INF2: variants seen among roughly 807,000 people sequenced by gnomAD.
INF2 encodes inverted formin 2.
In INF2, 43 loss-of-function variants were observed where a neutral mutation model predicts 123.5. That is an observed-to-expected ratio of 0.35 (90% confidence interval 0.27 to 0.45). The LOEUF (loss-of-function observed/expected upper bound fraction) is 0.45, where lower values mean the gene tolerates loss of function less well. INF2 is among the 20% of genes least tolerant of loss of function. INF2 has a pLI of 1.00. For missense variants in INF2, 1,453 were observed against 1,682.7 expected (o/e 0.86, Z 2.39); for synonymous variants, 851 against 745.0 (o/e 1.14, Z -2.32).
chr14:104,705,019 G>A (rs1192039651), intron 5 of INF2, among the ~76,000 whole-genome samples: 2 of 125,222 alleles, frequency 1.6e-5, no homozygotes, highest in Non-Finnish European at 3.2e-5. Flanking sequence ...CCACATAGCT[G>A]AGAAGCTCTA....
Position 104,713,323 on chromosome 14 carries a change from G to T in INF2, c.2878+14G>T. The stretch of plus-strand genomic sequence containing the variant: ...ACGGGAAGCCTGGTGAGGCTGGGCC[G>T]GCTGGGCGGGGAGGGGGTGACTCTG... On this transcript the variant is annotated intron_variant, in intron 19 of 22. Coordinates refer to ENST00000392634, the MANE Select transcript of INF2 (RefSeq NM_022489.4). The T allele has an allele frequency of 6.4e-7, 1 of 1,550,708 alleles. No homozygotes were observed. Among genetic ancestry groups the T allele is most frequent in the Non-Finnish European group, 8.7e-7 (1 of 1,147,680 alleles).
In INF2 at chr14:104,689,664, G is replaced by A. The variant is rs141884370; in HGVS notation, c.-85G>A. On this transcript the variant is annotated 5_prime_UTR_variant, in exon 1 of 23. Transcript: ENST00000392634. ...CTTGCGGAGCGCGGCAGTGGGCGCC[G>A]GCTGCCCGCAGCCCCTGACCCGGCC... is the stretch of plus-strand genomic sequence containing the variant. 121,125 of 982,220 alleles carry A rather than the reference G, an allele frequency of 0.12. 7,879 individuals carry two copies. Among genetic ancestry groups the A allele is most frequent in the Non-Finnish European group, 0.13 (110,718 of 827,992 alleles). 60.8% of individuals were successfully genotyped at this position (982,220 alleles called of 1,614,324 possible).
chr14:104,718,387 C>T (rs1435674849), intron 22 of INF2, among the ~76,000 whole-genome samples: 1 of 152,106 alleles, frequency 6.6e-6, no homozygotes, highest in Non-Finnish European at 1.5e-5. Context: ...CTGGAGAAAG[C>T]GCTGCTGGGG....
intron 20 of INF2, 65 bp downstream of exon 20, chr14:104,713,671 G>A: frequency 2.6e-6 from 4 of 1,548,778 alleles, no homozygotes; most frequent in Non-Finnish European, 2.6e-6. Flanking sequence ...GTGCCTCCAG[G>A]AAGTCCTCCT....
Position 104,703,490 on chromosome 14 carries a change from C to T in INF2, c.667+36C>T, listed in dbSNP as rs375858826. ...GCCCTGGGCCGCATGCCCGCTCCTG[C>T]CCGCCTCTTGGCCAGTGCATCCCAT... is the stretch of plus-strand genomic sequence containing the variant. On this transcript the variant is annotated intron_variant, in intron 4 of 22. Coordinates refer to ENST00000392634, the MANE Select transcript of INF2 (RefSeq NM_022489.4). 7.5e-6 allele frequency: 12 copies of T among 1,605,818 alleles called. No homozygotes were observed. In the African/African-American group the frequency reaches 1.5e-4, roughly 20 times the overall value.
At chr14:104,694,045 G>A (rs1889073418) in intron 1 of INF2, among the ~76,000 whole-genome samples, 1 of 152,236 alleles carries the variant, frequency 6.6e-6, no homozygotes, top group Non-Finnish European at 1.5e-5. Flanking sequence ...CCCTGCCTAT[G>A]CTTCCATGTG....
chr14:104,714,964 A>T, intron 21 of INF2, 108 bp downstream of exon 21: 1 of 1,251,024 alleles, frequency 8.0e-7, no homozygotes, highest in Non-Finnish European at 1.1e-6. Context: ...CACCCAGGAG[A>T]GGTGACTTGG....
chr14:104,713,124 G>A lies in INF2; in HGVS notation c.2776-83G>A, dbSNP rs181904173. 7,234 of 1,604,194 alleles carry A rather than the reference G, an allele frequency of 4.5e-3. 31 individuals are homozygous for A. The highest frequency in any genetic ancestry group is 8.3e-3 in the Admixed American group (487 of 58,944). ...AGCCATGTGGGCCCTGCGCTGCTGC[G>A]GCTCAGGGAGGGGGACGCCCAGGCC... On this transcript the variant is annotated intron_variant, in intron 18 of 22. Transcript: ENST00000392634.
chr14:104,712,891 G>C lies in INF2; in HGVS notation c.2674G>C (p.Glu892Gln). 6.2e-7 allele frequency: 1 copy of C among 1,612,702 alleles called. No individual in the cohort carries two copies. Among genetic ancestry groups the C allele is most frequent in the Non-Finnish European group, 8.5e-7 (1 of 1,179,812 alleles). The change falls in exon 18 of 23, where the codon GAG (glutamate) becomes CAG (glutamine). Residue 892 changes from glutamate to glutamine, a missense_variant. Glu to Gln is a conservative substitution (Grantham distance 29). Around this residue, in one of 8 missense-constraint regions of INF2, gnomAD observed 212 missense variants for 266.2 expected, o/e 0.80. Transcript: ENST00000392634. ...TGAGGCCATCGAGCAGAAGCAACGG[G>C]AGCTGGCCGACTACCTGTGTGAGGA... ...LFEAIEQKQR[E>Q]LADYLCEDAQ...
intron 5 of INF2, 110 bp downstream of exon 5, chr14:104,704,059 A>C: frequency 6.4e-7 from 1 of 1,572,032 alleles, no homozygotes; most frequent in Non-Finnish European, 8.6e-7. Flanking sequence ...TCCAGATGGC[A>C]GGGAGGTGGC....
Position 104,706,920 on chromosome 14 carries a change from C to G in INF2, c.854C>G (p.Ser285Cys). Residue 285 changes from serine to cysteine, a missense_variant, in exon 7 of 23, where the codon TCC becomes TGC. Around this residue, in one of 8 missense-constraint regions of INF2, gnomAD observed 251 missense variants for 349.4 expected, o/e 0.72. Transcript: ENST00000392634. Reference sequence around the variant, plus strand: ...CACTCGCCCGTCCAGGTGAGCTGCTCCCCGGTGTCTGCCCAGCTCCTGTCG... The same window carrying G: ...CACTCGCCCGTCCAGGTGAGCTGCTGCCCGGTGTCTGCCCAGCTCCTGTCG... ...FASLFHKVSC[S>C]PVSAQLLSVL... The G allele has an allele frequency of 6.2e-7, 1 of 1,604,302 alleles. No homozygotes were observed. Among genetic ancestry groups the G allele is most frequent in the Non-Finnish European group, 8.5e-7 (1 of 1,179,324 alleles).
chr14:104,713,286 C>T lies in INF2; in HGVS notation c.2855C>T (p.Pro952Leu). The change falls in exon 19 of 23, where the codon CCT (proline) becomes CTT (leucine). Residue 952 changes from proline (P) to leucine (L), a missense_variant. Around this residue, in one of 8 missense-constraint regions of INF2, gnomAD observed 212 missense variants for 266.2 expected, o/e 0.80. Transcript: ENST00000392634. Reference protein sequence around the residue: ...QQLAEEEARRPRGEDGKPVRK... With the variant: ...QQLAEEEARRLRGEDGKPVRK... ...CTGGCGGAGGAGGAGGCGCGGCGGC[C>T]TCGGGGAGAGGACGGGAAGCCTGGT... 1 of 1,550,464 alleles carries T rather than the reference C, an allele frequency of 6.4e-7. No individual in the cohort carries two copies. The highest frequency in any genetic ancestry group is 8.7e-7 in the Non-Finnish European group (1 of 1,147,546).
chr14:104,708,218 C>T, intron 8 of INF2: 3 of 872,048 alleles, frequency 3.4e-6, no homozygotes, highest in South Asian at 1.7e-5. Context: ...CCTCCACATG[C>T]TCCCGTGAGC....
intron 5 of INF2, among the ~76,000 whole-genome samples, chr14:104,705,733 C>A (rs935091948): frequency 1.3e-5 from 2 of 152,230 alleles, no homozygotes; most frequent in Non-Finnish European, 2.9e-5. Context: ...CCTCCCCAGG[C>A]CTTGGTGCAC....
Position 104,714,299 on chromosome 14 carries a change from G to T in INF2, c.3137G>T (p.Gly1046Val). The change falls in exon 21 of 23, where the codon GGC becomes GTC. Residue 1046 changes from glycine (G) to valine (V), a missense_variant. By Grantham distance (109) the Gly-to-Val change is moderately radical. Coordinates refer to ENST00000392634, the MANE Select transcript of INF2 (RefSeq NM_022489.4). ...GCTACAACAGCCAGCGAGTCCCGGG[G>T]CTGGGACCTTGTAGACGCCGTGACC... Reference protein sequence around the residue: ...LDATTASESRGWDLVDAVTPG... With the variant: ...LDATTASESRVWDLVDAVTPG... 1 of 1,592,184 alleles carries T rather than the reference G, an allele frequency of 6.3e-7. No homozygotes were observed. The highest frequency in any genetic ancestry group is 1.3e-5 in the African/African-American group (1 of 74,436).
chr14:104,689,288 T>A (rs922675919), upstream of INF2: 231 of 982,034 alleles, frequency 2.4e-4, 3 homozygotes, highest in Non-Finnish European at 2.5e-4. Flanking sequence ...AGGATAGGGG[T>A]GTAGGTGGAC....
chr14:104,714,497 A>G lies in INF2; in HGVS notation c.3335A>G (p.Lys1112Arg). Residue 1112 changes from lysine to arginine, a missense_variant, in exon 21 of 23, where the codon AAG (lysine) becomes AGG (arginine). Physicochemically the swap from Lys to Arg is conservative, Grantham distance 26. Around this residue, in one of 8 missense-constraint regions of INF2, gnomAD observed 344 missense variants for 333.1 expected, o/e 1.03. Coordinates refer to ENST00000392634, the MANE Select transcript of INF2 (RefSeq NM_022489.4). Reference protein sequence around the residue: ...PVTLGDAQALKPLKFSSNQPP... With the variant: ...PVTLGDAQALRPLKFSSNQPP... Reference sequence around the variant, plus strand: ...ACTCTGGGAGATGCTCAGGCCCTGAAGCCCCTCAAGTTCTCCAGCAACCAG... The same window carrying G: ...ACTCTGGGAGATGCTCAGGCCCTGAGGCCCCTCAAGTTCTCCAGCAACCAG... 1 of 1,612,710 alleles carries G rather than the reference A, an allele frequency of 6.2e-7. No individual in the cohort carries two copies. The highest frequency in any genetic ancestry group is 8.5e-7 in the Non-Finnish European group (1 of 1,179,818).
At chr14:104,682,470 C>G (rs74668674) in intron 1 of INF2, among the ~76,000 whole-genome samples, 1 of 152,106 alleles carries the variant, frequency 6.6e-6, no homozygotes, top group African/African-American at 2.4e-5. Flanking sequence ...CAGTGGGGCG[C>G]GGGGCAGGGC....
rs141090934 is a variant in INF2 at position 104,683,716 on chromosome 14, G to A, written c.-104+2134G>A. Among the ~76,000 whole-genome samples, 10 of 151,422 alleles carry A rather than the reference G, an allele frequency of 6.6e-5. No homozygotes were observed. The East Asian group carries it at 1.8e-3, about 27-fold the overall frequency. On this transcript the variant is annotated intron_variant, in intron 1 of 2. Coordinates refer to the INF2 transcript ENST00000674723. The stretch of plus-strand genomic sequence containing the variant: ...CATCTCTTCAAAACACAGTCCAGTG[G>A]CCAAAAATCACCTGCAAGACATTCT...
Sources: gnomAD v4.1 joint callset for allele counts (sites outside exome capture counted in the v4.1 genomes callset) on GRCh38, gnomAD v4.1.1 for gene constraint, gnomAD v4.1.1 regional missense constraint, MANE v1.5 for transcripts, NCBI Gene and HGNC (gene_info 2026-07-23, HGNC 2026-07-21) for gene names.